Variants in NYAP2 observed in about 807,000 individuals in gnomAD.
NYAP2 encodes neuronal tyrosine-phosphorylated phosphoinositide-3-kinase adapter 2.
A neutral mutation model predicts 50.4 loss-of-function variants in NYAP2; 23 were observed. The observed-to-expected ratio is 0.46, with a 90% CI of 0.33 to 0.65. NYAP2 has a LOEUF of 0.65. NYAP2 is among the 30% of genes least tolerant of loss of function. NYAP2 has a pLI of 0.02. For synonymous variants in NYAP2, 394 were observed against 365.2 expected (o/e 1.08, Z -0.90); for missense variants, 885 against 861.0 (o/e 1.03, Z -0.35).
At chr2:225,577,245 C>T (rs759240699) in intron 4 of NYAP2, among the ~76,000 whole-genome samples, 1 of 152,040 alleles carries the variant, frequency 6.6e-6, no homozygotes, top group Non-Finnish European at 1.5e-5. Flanking sequence ...TGGAGCTGAA[C>T]AGGAATTATT....
the NYAP2 span, among the ~76,000 whole-genome samples, chr2:225,689,917 T>C: frequency 6.6e-6 from 1 of 152,150 alleles, no homozygotes; most frequent in African/African-American, 2.4e-5. Flanking sequence ...ATAAGTAACT[T>C]ATACAATGTC....
chr2:225,666,714 T>C, the NYAP2 span, among the ~76,000 whole-genome samples: 5 of 152,102 alleles, frequency 3.3e-5, no homozygotes, highest in South Asian at 2.1e-4. Context: ...AGACAATAGA[T>C]GACAAATGTT....
intron 3 of NYAP2, among the ~76,000 whole-genome samples, chr2:225,462,007 A>C (rs1278990926): frequency 6.6e-6 from 1 of 152,226 alleles, no homozygotes; most frequent in East Asian, 1.9e-4. Flanking sequence ...TGTAAATTTC[A>C]AAAGGACTCA....
chr2:225,551,787 ATCTT>A (rs1186625356), intron 4 of NYAP2, among the ~76,000 whole-genome samples: 4 of 152,134 alleles, frequency 2.6e-5, no homozygotes, highest in Non-Finnish European at 5.9e-5. Context: ...TAGTTGCAAC[ATCTT>A]TCTTCCATTA....
In NYAP2 at chr2:225,607,631, C is replaced by T. The variant is rs114360189; in HGVS notation, c.1619-19286C>T. ...GACCCAGGTTATAAAGATTTTATAA[C>T]CCTAAAATCCTGTTTGGTCAAGACT... On this transcript the variant is annotated intron_variant, in intron 5 of 6. Transcript: ENST00000636099. Among the ~76,000 whole-genome samples, 833 of 152,170 alleles carry T rather than the reference C, an allele frequency of 5.5e-3. 9 individuals carry two copies. Among genetic ancestry groups the T allele is most frequent in the African/African-American group, 0.018 (757 of 41,524 alleles).
At chr2:225,494,321 T>C (rs182184577) in intron 3 of NYAP2, among the ~76,000 whole-genome samples, 115 of 152,352 alleles carry the variant, frequency 7.5e-4, no homozygotes, top group Non-Finnish European at 1.4e-3. Flanking sequence ...ATAGCCTTGA[T>C]ACCTCTGCAG....
intron 4 of NYAP2, among the ~76,000 whole-genome samples, chr2:225,520,859 T>C (rs1691040752): frequency 6.6e-6 from 1 of 152,188 alleles, no homozygotes; most frequent in African/African-American, 2.4e-5. Context: ...TAAATTACCT[T>C]GGGCAGTATG....
At chr2:225,407,364 T>G (rs1694959016) in intron 2 of NYAP2, among the ~76,000 whole-genome samples, 1 of 151,984 alleles carries the variant, frequency 6.6e-6, no homozygotes, top group Non-Finnish European at 1.5e-5. Flanking sequence ...CAGCTTAACA[T>G]AAAACAAAAC....
At chr2:225,552,474 C>T (rs1038215426) in intron 4 of NYAP2, among the ~76,000 whole-genome samples, 2 of 152,082 alleles carry the variant, frequency 1.3e-5, no homozygotes, top group African/African-American at 4.8e-5. Context: ...GGAGATGAGG[C>T]CTTTGGGAGG....
At chr2:225,619,267 G>T (rs919332827) in intron 5 of NYAP2, among the ~76,000 whole-genome samples, 2 of 152,218 alleles carry the variant, frequency 1.3e-5, no homozygotes, top group African/African-American at 4.8e-5. Context: ...AAAATGCAAA[G>T]TGGAAGTTTG....
intron 3 of NYAP2, among the ~76,000 whole-genome samples, chr2:225,458,511 G>A (rs550878063): frequency 6.6e-6 from 1 of 152,132 alleles, no homozygotes; most frequent in Non-Finnish European, 1.5e-5. Context: ...CTATAGCACA[G>A]GCTTAGATTT....
At chr2:225,570,269 C>G (rs565930421) in intron 4 of NYAP2, among the ~76,000 whole-genome samples, 57 of 152,294 alleles carry the variant, frequency 3.7e-4, no homozygotes, top group African/African-American at 1.3e-3. Context: ...AATCTACAAG[C>G]TCAGAAACTC....
chr2:225,521,278 C>T (rs1444713950), intron 4 of NYAP2, among the ~76,000 whole-genome samples: 3 of 151,908 alleles, frequency 2.0e-5, no homozygotes, highest in Non-Finnish European at 4.4e-5. Context: ...CTTCTTCTGC[C>T]TAATTGCCCT....
intron 3 of NYAP2, among the ~76,000 whole-genome samples, chr2:225,464,581 G>T (rs1421098221): frequency 6.6e-6 from 1 of 152,216 alleles, no homozygotes; most frequent in African/African-American, 2.4e-5. Context: ...CCCGGCCATT[G>T]CAGGGACAGG....
intron 4 of NYAP2, among the ~76,000 whole-genome samples, chr2:225,580,615 G>A (rs1321069116): frequency 1.3e-5 from 2 of 152,162 alleles, no homozygotes; most frequent in Non-Finnish European, 2.9e-5. Context: ...ATCTAGAAAG[G>A]TGAAATACAT....
At chr2:225,415,738 G>T (rs897619378) in intron 3 of NYAP2, among the ~76,000 whole-genome samples, 15 of 152,116 alleles carry the variant, frequency 9.9e-5, no homozygotes, top group Admixed American at 9.2e-4. Flanking sequence ...CCATTACACA[G>T]GTGAAGTGAA....
chr2:225,610,397 A>G (rs1692860780), intron 5 of NYAP2, among the ~76,000 whole-genome samples: 1 of 151,896 alleles, frequency 6.6e-6, no homozygotes, highest in Non-Finnish European at 1.5e-5. Flanking sequence ...TTCGAGCCCC[A>G]CCCTTGTGCC....
intron 3 of NYAP2, among the ~76,000 whole-genome samples, chr2:225,429,641 A>G (rs1047588046): frequency 8.5e-5 from 13 of 152,232 alleles, no homozygotes; most frequent in African/African-American, 3.1e-4. Context: ...CTGATAATCC[A>G]TTGACTATTT....
At chr2:225,562,223 G>T (rs1027297449) in intron 4 of NYAP2, among the ~76,000 whole-genome samples, 1 of 152,082 alleles carries the variant, frequency 6.6e-6, no homozygotes, top group African/African-American at 2.4e-5. Context: ...CTATTGCTTT[G>T]TGTGGGCATA....
Sources: allele counts gnomAD v4.1 joint callset (sites outside exome capture counted in the v4.1 genomes callset), GRCh38; gene constraint gnomAD v4.1.1; transcripts MANE v1.5; gene names NCBI Gene and HGNC (gene_info 2026-07-23, HGNC 2026-07-21).